The following TXNDC15 variants were observed in gnomAD, a reference collection of about 807,000 sequenced individuals.
TXNDC15 encodes thioredoxin domain-containing protein 15.
In TXNDC15, 24 loss-of-function variants were observed where a neutral mutation model predicts 35.0. That is an observed-to-expected ratio of 0.68 (90% CI 0.50 to 0.96). The LOEUF is 0.96. TXNDC15 is among the 40% of genes least tolerant of loss of function. The probability of loss-of-function intolerance (pLI) is 0.00; values close to 1 mark genes in which losing one functional copy is unlikely to be tolerated. For synonymous variants in TXNDC15, 169 were observed against 174.0 expected (o/e 0.97, Z 0.23); for missense variants, 385 against 453.3 (o/e 0.85, Z 1.37).
intron 1 of TXNDC15, among the ~76,000 whole-genome samples, chr5:134,885,197 C>T (rs896105794): frequency 6.6e-6 from 1 of 152,220 alleles, no homozygotes; most frequent in African/African-American, 2.4e-5. Flanking sequence ...GCTGGGATTA[C>T]AGGCGTGAGC....
chr5:134,897,281 T>A (rs1750508989), intron 4 of TXNDC15, among the ~76,000 whole-genome samples: 1 of 152,142 alleles, frequency 6.6e-6, no homozygotes, highest in Non-Finnish European at 1.5e-5. Flanking sequence ...GGAGTCTCGC[T>A]CTGTCACCCA....
chr5:134,888,804 T>A (rs1014661756), intron 2 of TXNDC15, among the ~76,000 whole-genome samples: 1 of 152,166 alleles, frequency 6.6e-6, no homozygotes, highest in Non-Finnish European at 1.5e-5. Context: ...CCAAATGAAG[T>A]ATTTATTTAT....
At chr5:134,879,632 C>A (rs1032872907) in intron 1 of TXNDC15, among the ~76,000 whole-genome samples, 2 of 152,108 alleles carry the variant, frequency 1.3e-5, no homozygotes, top group Non-Finnish European at 2.9e-5. Flanking sequence ...TGTGATCCCG[C>A]CCCTCCACCA....
chr5:134,894,461 A>C (rs1297628065), intron 3 of TXNDC15, among the ~76,000 whole-genome samples: 1 of 145,318 alleles, frequency 6.9e-6, no homozygotes, highest in Non-Finnish European at 1.5e-5. Flanking sequence ...TCTGCCTCCC[A>C]GGTTCAAGTG....
intron 1 of TXNDC15, among the ~76,000 whole-genome samples, chr5:134,881,631 C>T (rs1750146784): frequency 1.4e-5 from 2 of 138,962 alleles, no homozygotes; most frequent in Admixed American, 1.4e-4. Context: ...CAATCTTTTC[C>T]CCACCTTTCC....
intron 1 of TXNDC15, among the ~76,000 whole-genome samples, chr5:134,883,607 A>AAAAAG (rs1750209307): frequency 1.4e-5 from 2 of 147,886 alleles, no homozygotes; most frequent in Non-Finnish European, 3.0e-5. Context: ...AAAAAAAAAA[A>AAAAAG]AAAAGAAAAG....
At position 134,874,417 on chromosome 5, in the gene TXNDC15, C is replaced by T; in HGVS notation, c.-11C>T. 6.3e-7 allele frequency: 1 copy of T among 1,591,192 alleles called. No individual in the cohort carries two copies. Among genetic ancestry groups the T allele is most frequent in the Non-Finnish European group, 8.5e-7 (1 of 1,173,254 alleles). On this transcript the variant is annotated 5_prime_UTR_variant, in exon 1 of 5. Coordinates refer to ENST00000358387, the MANE Select transcript of TXNDC15 (RefSeq NM_024715.4). Reference sequence around the variant, plus strand: ...GCGTAGCCGTGCGCCGATTGCCTCTCGGCCTGGGCAATGGTCCCGGCTGCC... The same window carrying T: ...GCGTAGCCGTGCGCCGATTGCCTCTTGGCCTGGGCAATGGTCCCGGCTGCC...
intron 1 of TXNDC15, among the ~76,000 whole-genome samples, chr5:134,883,462 C>T (rs1470685157): frequency 2.0e-5 from 3 of 151,570 alleles, no homozygotes; most frequent in East Asian, 3.9e-4. Flanking sequence ...AAATAATTAG[C>T]TGGGTGCAGT....
intron 3 of TXNDC15, 72 bp from the exon 4 acceptor site, chr5:134,896,222 T>G: frequency 9.2e-6 from 14 of 1,519,372 alleles, no homozygotes; most frequent in East Asian, 2.3e-5. Context: ...CTGTCTATTC[T>G]GAGATGGTAA....
intron 1 of TXNDC15, among the ~76,000 whole-genome samples, chr5:134,882,650 C>G (rs1444169570): frequency 6.6e-6 from 1 of 152,234 alleles, no homozygotes; most frequent in African/African-American, 2.4e-5. Flanking sequence ...CCAGCCCGGC[C>G]AACACAGCGA....
In TXNDC15 at chr5:134,891,680, T is replaced by C. The variant is rs115187334; in HGVS notation, c.592-1812T>C. 3.6e-3 allele frequency among the ~76,000 whole-genome samples: 553 copies of C among 152,286 alleles called. 2 individuals are homozygous for C. Among genetic ancestry groups the C allele is most frequent in the Middle Eastern group, 0.024 (7 of 294 alleles). ...TTGCTCATACCTGTAATCCCAGTAC[T>C]TTCAGAGGCCAAGGTGGGTGGATTG... On this transcript the variant is annotated intron_variant, in intron 2 of 4. Transcript: ENST00000358387.
intron 1 of TXNDC15, among the ~76,000 whole-genome samples, chr5:134,878,771 G>T (rs576304989): frequency 3.3e-5 from 5 of 152,216 alleles, no homozygotes; most frequent in Non-Finnish European, 7.3e-5. Context: ...GGCCGAGGTG[G>T]CTGGATCATT....
At chr5:134,882,691 C>T (rs997009355) in intron 1 of TXNDC15, among the ~76,000 whole-genome samples, 2 of 152,112 alleles carry the variant, frequency 1.3e-5, no homozygotes, top group African/African-American at 4.8e-5. Flanking sequence ...AATACGAAAA[C>T]CAGTCAGGCG....
intron 4 of TXNDC15, among the ~76,000 whole-genome samples, chr5:134,897,946 C>T (rs1247393988): frequency 1.3e-5 from 2 of 151,634 alleles, no homozygotes; most frequent in Non-Finnish European, 2.9e-5. Flanking sequence ...GAGGCAGAGG[C>T]TGCAGTGAGC....
Position 134,874,413 on chromosome 5 carries a change from C to T in TXNDC15, c.-15C>T, listed in dbSNP as rs760871156. The T allele has an allele frequency of 1.3e-6, 2 of 1,589,598 alleles. No homozygotes were observed. On this transcript the variant is annotated 5_prime_UTR_variant, in exon 1 of 5. Transcript: ENST00000358387. ...ACTCGCGTAGCCGTGCGCCGATTGC[C>T]TCTCGGCCTGGGCAATGGTCCCGGC...
intron 1 of TXNDC15, among the ~76,000 whole-genome samples, chr5:134,879,691 A>G (rs1750103195): frequency 6.6e-6 from 1 of 152,136 alleles, no homozygotes; most frequent in South Asian, 2.1e-4. Flanking sequence ...TCTGGATTGT[A>G]GTCACAGAAG....
chr5:134,875,551 G>T (rs1453338650), intron 1 of TXNDC15, among the ~76,000 whole-genome samples: 5 of 152,160 alleles, frequency 3.3e-5, no homozygotes, highest in African/African-American at 1.2e-4. Context: ...AGGCGGGAGT[G>T]CAGTGGCCCA....
intron 4 of TXNDC15, among the ~76,000 whole-genome samples, chr5:134,898,019 G>GA (rs979527338): frequency 2.6e-4 from 36 of 140,256 alleles, no homozygotes; most frequent in Middle Eastern, 3.7e-3. Context: ...AAAAAAAAAA[G>GA]AAAAAAAAAA....
At chr5:134,897,313 T>C (rs930506205) in intron 4 of TXNDC15, among the ~76,000 whole-genome samples, 1 of 152,106 alleles carries the variant, frequency 6.6e-6, no homozygotes, top group Non-Finnish European at 1.5e-5. Flanking sequence ...AATGGCATAA[T>C]CTCAGTTCAC....
Sources: allele counts gnomAD v4.1 joint callset (sites outside exome capture counted in the v4.1 genomes callset), GRCh38; gene constraint gnomAD v4.1.1; transcripts MANE v1.5; gene names NCBI Gene and HGNC (gene_info 2026-07-23, HGNC 2026-07-21).